LRWD1: variants seen among roughly 807,000 people sequenced by gnomAD.
The protein encoded by LRWD1 is leucine-rich repeat and WD repeat-containing protein 1.
In LRWD1, 76 loss-of-function variants were observed where a neutral mutation model predicts 75.6. That is an observed-to-expected ratio of 1.01 (90% CI 0.84 to 1.22). The LOEUF is 1.22. LRWD1 is among the 50% of genes most tolerant of loss of function. The pLI is 0.00. For missense variants in LRWD1, 917 were observed against 862.0 expected, an observed-to-expected ratio of 1.06 and a Z score of -0.80; for synonymous variants, 487 against 377.0, an observed-to-expected ratio of 1.29 and a Z score of -3.38.
chr7:102,466,347 G>T, intron 3 of LRWD1, 77 bp downstream of exon 3: 1 of 1,187,616 alleles, frequency 8.4e-7, no homozygotes, highest in Non-Finnish European at 1.2e-6. Flanking sequence ...GACATCAGGA[G>T]GATGTTGAGG....
Position 102,468,252 on chromosome 7 carries a change from T to C in LRWD1, c.805-11T>C. Reference sequence around the variant, plus strand: ...GGGCTGGGCAGCTGTGACCCTTCTCTCCCCCCACAGCCTGCTGTGAAGCTG... The same window carrying C: ...GGGCTGGGCAGCTGTGACCCTTCTCCCCCCCCACAGCCTGCTGTGAAGCTG... On this transcript the variant is annotated splice_polypyrimidine_tract_variant and intron_variant, in intron 6 of 14. Transcript: ENST00000292616. 6.2e-7 allele frequency: 1 copy of C among 1,602,752 alleles called. No homozygotes were observed. The highest frequency in any genetic ancestry group is 1.7e-4 in the Middle Eastern group (1 of 6,024).
Position 102,472,459 on chromosome 7 carries a change from A to G in LRWD1, c.1540A>G (p.Lys514Glu). The G allele has an allele frequency of 6.5e-7, 1 of 1,536,542 alleles. No homozygotes were observed. The highest frequency in any genetic ancestry group is 8.8e-7 in the Non-Finnish European group (1 of 1,138,658). Residue 514 changes from lysine (K) to glutamate (E), a missense_variant, in exon 13 of 15, where the codon AAG (lysine) becomes GAG (glutamate). Lys to Glu is a moderately conservative substitution (Grantham distance 56). Transcript: ENST00000292616. ...AFVNEDIVAS[K>E]GSGLGTICLW... Reference sequence around the variant, plus strand: ...CTCTCCCTTCTCCCCCACAGCCTCCAAGGGGAGCGGCCTGGGCACCATCTG... The same window carrying G: ...CTCTCCCTTCTCCCCCACAGCCTCCGAGGGGAGCGGCCTGGGCACCATCTG...
Position 102,465,861 on chromosome 7 carries a change from T to C in LRWD1, c.125T>C (p.Leu42Pro). The C allele has an allele frequency of 6.2e-7, 1 of 1,613,262 alleles. No homozygotes were observed. Among genetic ancestry groups the C allele is most frequent in the Non-Finnish European group, 8.5e-7 (1 of 1,179,954 alleles). Reference protein sequence around the residue: ...ELLSEHLDPKLLCRLTQLQEL... With the variant: ...ELLSEHLDPKPLCRLTQLQEL... Reference sequence around the variant, plus strand: ...CTTTCCGAGCACCTGGACCCCAAACTCCTGTGCCGCCTGACGCAGCTGCAG... The same window carrying C: ...CTTTCCGAGCACCTGGACCCCAAACCCCTGTGCCGCCTGACGCAGCTGCAG... Residue 42 changes from leucine (L) to proline (P), a missense_variant, in exon 2 of 15, where the codon CTC becomes CCC. Leu to Pro is a moderately conservative substitution (Grantham distance 98). Transcript: ENST00000292616.
At position 102,472,250 on chromosome 7, in the gene LRWD1, G is replaced by C. The variant is rs376086325; in HGVS notation, c.1475G>C (p.Gly492Ala). Residue 492 changes from glycine (G) to alanine (A), a missense_variant, in exon 12 of 15, where the codon GGC becomes GCC. Coordinates refer to ENST00000292616, the MANE Select transcript of LRWD1 (RefSeq NM_152892.3). ...GAAGTGGAATTCGTCTTCTCTGAGG[G>C]CTCCGAGGCATCTGGACGGAGAGTG... ...VCEVEFVFSE[G>A]SEASGRRVDG... 6.3e-7 allele frequency: 1 copy of C among 1,596,804 alleles called. No homozygotes were observed. Among genetic ancestry groups the C allele is most frequent in the Non-Finnish European group, 8.5e-7 (1 of 1,170,366 alleles).
In LRWD1 at chr7:102,468,139, G is replaced by T. The variant is rs779467891; in HGVS notation, c.756G>T (p.Pro252=). ...LSPSKRACAS[P]SAQVEGSPVA... ...CCAGCAAGCGGGCGTGTGCCTCCCC[G>T]TCGGCCCAGGTGGAGGGCAGCCCTG... Residue 252 remains proline (P), a synonymous_variant, in exon 6 of 15, where the codon CCG becomes CCT. Coordinates refer to ENST00000292616, the MANE Select transcript of LRWD1 (RefSeq NM_152892.3). 3 of 1,607,060 alleles carry T rather than the reference G, an allele frequency of 1.9e-6. No individual in the cohort carries two copies. The highest frequency in any genetic ancestry group is 1.7e-5 in the Admixed American group (1 of 58,942).
At chr7:102,467,178 GT>G (rs1798030904) in intron 3 of LRWD1, among the ~76,000 whole-genome samples, 160 bp from the exon 4 acceptor site, 1 of 124,606 alleles carries the variant, frequency 8.0e-6, no homozygotes, top group Non-Finnish European at 1.8e-5. Flanking sequence ...TGGGGTGTGT[GT>G]GTGTGTGTGT....
chr7:102,464,998 C>T lies in LRWD1; in HGVS notation c.-83C>T. 7.4e-7 allele frequency: 1 copy of T among 1,359,648 alleles called. No individual in the cohort carries two copies. Among genetic ancestry groups the T allele is most frequent in the Non-Finnish European group, 9.5e-7 (1 of 1,048,836 alleles). The allele number at this position is 1,359,648 out of a possible 1,614,324, so 84.2% of individuals were successfully genotyped here. On this transcript the variant is annotated 5_prime_UTR_variant, in exon 1 of 15. Coordinates refer to ENST00000292616, the MANE Select transcript of LRWD1 (RefSeq NM_152892.3). Reference sequence around the variant, plus strand: ...CTCCTGGGCTCAGTTACCGCGGACGCCAGTGCCGGGCTCCAGGAGACGCAG... The same window carrying T: ...CTCCTGGGCTCAGTTACCGCGGACGTCAGTGCCGGGCTCCAGGAGACGCAG...
In LRWD1 at chr7:102,473,056, AC is replaced by A. The variant is rs1798269035; in HGVS notation, c.*9del. The stretch of plus-strand genomic sequence containing the variant: ...CATCTGGGGGAGGATGTAGCCTCAC[AC>A]CATCGCAAAGGACCAGGGACACAGC... On this transcript the variant is annotated 3_prime_UTR_variant, in exon 15 of 15. Transcript: ENST00000292616. 1 of 1,585,608 alleles carries A rather than the reference AC, an allele frequency of 6.3e-7. No homozygotes were observed. The highest frequency in any genetic ancestry group is 8.6e-7 in the Non-Finnish European group (1 of 1,165,964).
intron 1 of LRWD1, 123 bp from the exon 2 acceptor site, chr7:102,465,694 T>C: frequency 1.5e-6 from 1 of 686,832 alleles, no homozygotes; most frequent in Middle Eastern, 2.4e-4. Flanking sequence ...AACGGGGGGA[T>C]GGGCGGGGCG....
rs1405188087 is a variant in LRWD1, at chr7:102,472,446, C to T, written c.1535-8C>T. 1 of 1,536,472 alleles carries T rather than the reference C, an allele frequency of 6.5e-7. No individual in the cohort carries two copies. The highest frequency in any genetic ancestry group is 8.8e-7 in the Non-Finnish European group (1 of 1,138,450). On this transcript the variant is annotated splice_region_variant and splice_polypyrimidine_tract_variant and intron_variant, in intron 12 of 14. Transcript: ENST00000292616. ...CCACCCTGCACAGCTCTCCCTTCTCCCCCACAGCCTCCAAGGGGAGCGGCC... is the reference window on the plus strand; with the variant it reads ...CCACCCTGCACAGCTCTCCCTTCTCTCCCACAGCCTCCAAGGGGAGCGGCC...
chr7:102,467,588 G>A lies in LRWD1; in HGVS notation c.573+109G>A, dbSNP rs376880750. ...GGGCTGTGGGAGTGGGGTGAGTCAG[G>A]GTGGGCAGCCCTGTTGGCTGGAGAG... is the stretch of plus-strand genomic sequence containing the variant. On this transcript the variant is annotated intron_variant, in intron 4 of 14. Transcript: ENST00000292616. The A allele has an allele frequency of 2.1e-5, 32 of 1,535,222 alleles. No homozygotes were observed. In the African/African-American group the frequency reaches 3.0e-4, roughly 14 times the overall value.
Position 102,468,141 on chromosome 7 carries a change from C to A in LRWD1, c.758C>A (p.Ser253Ter). ...AGCAAGCGGGCGTGTGCCTCCCCGT[C>A]GGCCCAGGTGGAGGGCAGCCCTGTG... ...SPSKRACASPSAQVEGSPVAG... is the reference protein window; with the variant it reads ...SPSKRACASP The change falls in exon 6 of 15, where the codon TCG (serine) becomes TAG (stop). Residue 253 changes from serine to a stop codon, truncating the protein, a stop_gained. Coordinates refer to ENST00000292616, the MANE Select transcript of LRWD1 (RefSeq NM_152892.3). LOFTEE classifies it high-confidence loss of function. 2 of 1,607,496 alleles carry A rather than the reference C, an allele frequency of 1.2e-6. No individual in the cohort carries two copies. The highest frequency in any genetic ancestry group is 1.7e-6 in the Non-Finnish European group (2 of 1,178,098).
In LRWD1 at chr7:102,469,593, G is replaced by A; in HGVS notation, c.1248G>A (p.Arg416=). The A allele has an allele frequency of 6.2e-7, 1 of 1,614,206 alleles. No homozygotes were observed. ...THLFTASYDK[R]IILWDIGVPN... is the part of the protein sequence containing the mutation. Reference sequence around the variant, plus strand: ...CTTCAGCGGCCTCCTATGACAAGCGGATCATCCTCTGGGACATCGGGGTGC... The same window carrying A: ...CTTCAGCGGCCTCCTATGACAAGCGAATCATCCTCTGGGACATCGGGGTGC... The change falls in exon 10 of 15, where the codon CGG becomes CGA. Residue 416 remains arginine, a synonymous_variant. Transcript: ENST00000292616.
rs1296358409 is a variant in LRWD1 at position 102,468,678 on chromosome 7, C to T, written c.1020+24C>T. ...AGGTGAGTGCAAGGCCCTGTCCCTG[C>T]TGGGCAAGGGTGCCCGACTGACTCC... On this transcript the variant is annotated intron_variant, in intron 8 of 14. Transcript: ENST00000292616. 4 of 1,554,426 alleles carry T rather than the reference C, an allele frequency of 2.6e-6. No homozygotes were observed. The South Asian group carries it at 3.6e-5, about 14-fold the overall frequency.
intron 3 of LRWD1, among the ~76,000 whole-genome samples, chr7:102,466,630 C>G (rs920366676): frequency 6.6e-6 from 1 of 152,026 alleles, no homozygotes; most frequent in Non-Finnish European, 1.5e-5. Flanking sequence ...GTTGGCCAGG[C>G]TGGCCTCAAA....
At chr7:102,467,931 T>C (rs2133266709) in intron 5 of LRWD1, 108 bp downstream of exon 5, 1 of 1,500,778 alleles carries the variant, frequency 6.7e-7, no homozygotes, top group South Asian at 1.2e-5. Flanking sequence ...CCCCAGGTCC[T>C]GGCTCACTCC....
rs1258537171 is a variant in LRWD1 at position 102,469,731 on chromosome 7, C to T, written c.1302-11C>T. On this transcript the variant is annotated splice_polypyrimidine_tract_variant and intron_variant, in intron 10 of 14. Coordinates refer to ENST00000292616, the MANE Select transcript of LRWD1 (RefSeq NM_152892.3). ...GGGTCTGATGCTCTGTTCCCCCTTG[C>T]CCACTGGCAGCCAGCTGCTCACACT... 6.2e-7 allele frequency: 1 copy of T among 1,609,644 alleles called. No individual in the cohort carries two copies. Among genetic ancestry groups the T allele is most frequent in the East Asian group, 2.2e-5 (1 of 44,800 alleles).
chr7:102,472,566 G>T lies in LRWD1; in HGVS notation c.1647G>T (p.Trp549Cys), dbSNP rs375511324. 1 of 1,604,922 alleles carries T rather than the reference G, an allele frequency of 6.2e-7. No homozygotes were observed. The highest frequency in any genetic ancestry group is 8.5e-7 in the Non-Finnish European group (1 of 1,176,588). ...VAVVVLARLQ[W>C]SSTELAYFSL... ...TGGTGGTCCTGGCGCGGCTGCAATG[G>T]TCGTCCACCGAGTTGGCCTACTTCT... Residue 549 changes from tryptophan (W) to cysteine (C), a missense_variant, in exon 13 of 15, where the codon TGG becomes TGT. By Grantham distance (215) the Trp-to-Cys change is radical. Coordinates refer to ENST00000292616, the MANE Select transcript of LRWD1 (RefSeq NM_152892.3).
intron 4 of LRWD1, 64 bp downstream of exon 4, chr7:102,467,543 C>G (rs945568476): frequency 8.2e-6 from 13 of 1,594,958 alleles, no homozygotes; most frequent in African/African-American, 1.3e-5. Flanking sequence ...CCTGGAGGTC[C>G]CTGGCCATGA....
Sources: gnomAD v4.1 joint callset for allele counts (sites outside exome capture counted in the v4.1 genomes callset) on GRCh38, gnomAD v4.1.1 for gene constraint, MANE v1.5 for transcripts, NCBI Gene and HGNC (gene_info 2026-07-23, HGNC 2026-07-21) for gene names.